Variants in PLEKHG1 observed in about 807,000 individuals in gnomAD.
The protein encoded by PLEKHG1 is pleckstrin homology domain-containing family G member 1.
Under a neutral mutation model 100.8 loss-of-function variants are expected in PLEKHG1, and 44 were observed. That is an observed-to-expected ratio of 0.44 (90% CI 0.34 to 0.56). The LOEUF (loss-of-function observed/expected upper bound fraction) is 0.56, where lower values mean the gene tolerates loss of function less well. Among genes scored for constraint, PLEKHG1 ranks in the 20% least tolerant of loss-of-function variants. The pLI is 0.01. For synonymous variants in PLEKHG1, 640 were observed against 662.5 expected (o/e 0.97, Z 0.52); for missense variants, 1,545 against 1,720.9 (o/e 0.90, Z 1.81).
intron 1 of PLEKHG1, among the ~76,000 whole-genome samples, chr6:150,602,033 C>T (rs1392949429): frequency 1.3e-5 from 2 of 152,222 alleles, no homozygotes; most frequent in East Asian, 3.9e-4. Context: ...TTTTCAAAAC[C>T]AAGAATAACC....
intron 3 of PLEKHG1, among the ~76,000 whole-genome samples, chr6:150,697,626 C>T (rs9480536): frequency 0.07 from 10,658 of 152,206 alleles, 456 homozygotes; most frequent in South Asian, 0.17. Context: ...TCAGATGGTC[C>T]CAGCAGGGGC....
intron 14 of PLEKHG1, among the ~76,000 whole-genome samples, chr6:150,827,028 T>C (rs1226336129): frequency 1.3e-5 from 2 of 151,546 alleles, no homozygotes; most frequent in East Asian, 3.9e-4. Context: ...TTTCCTTTCT[T>C]TCCTTTCTCT....
At chr6:150,784,446 G>A (rs1407133168) in intron 3 of PLEKHG1, among the ~76,000 whole-genome samples, 3 of 152,162 alleles carry the variant, frequency 2.0e-5, no homozygotes, top group Non-Finnish European at 4.4e-5. Context: ...TGCGAAGGGA[G>A]AACATTTTTG....
intron 1 of PLEKHG1, chr6:150,633,226 A>C (rs1204985701): frequency 6.6e-6 from 1 of 152,350 alleles, no homozygotes; most frequent in East Asian, 1.9e-4. Context: ...GTCATCTGGA[A>C]GTGCCGGCTC....
At chr6:150,641,876 C>CAAAAAA (rs71554473) in intron 2 of PLEKHG1, among the ~76,000 whole-genome samples, 638 of 76,758 alleles carry the variant, frequency 8.3e-3, no homozygotes, top group African/African-American at 9.7e-3. Flanking sequence ...TGTGAAAAGG[C>CAAAAAA]AAAAAAAAAA....
intron 12 of PLEKHG1, among the ~76,000 whole-genome samples, chr6:150,820,192 G>A (rs1052380809): frequency 2.6e-5 from 4 of 151,728 alleles, no homozygotes; most frequent in Non-Finnish European, 5.9e-5. Context: ...ATGGGCGACA[G>A]AGTGAGACTC....
chr6:150,709,061 C>CTGTAATTACA (rs1781142832), intron 3 of PLEKHG1, among the ~76,000 whole-genome samples: 1 of 152,168 alleles, frequency 6.6e-6, no homozygotes, highest in African/African-American at 2.4e-5. Context: ...GGGCTGGGCG[C>CTGTAATTACA]GGTGGCTCAT....
chr6:150,764,828 C>A (rs749789353), intron 2 of PLEKHG1, among the ~76,000 whole-genome samples: 9 of 152,180 alleles, frequency 5.9e-5, no homozygotes, highest in Non-Finnish European at 1.3e-4. Flanking sequence ...GCCTTTCCTG[C>A]CCTCTCTTGT....
chr6:150,658,875 A>G (rs1161738138), intron 3 of PLEKHG1, among the ~76,000 whole-genome samples: 2 of 152,200 alleles, frequency 1.3e-5, no homozygotes, highest in Non-Finnish European at 2.9e-5. Context: ...TAACATTTGC[A>G]CATTTACGAT....
chr6:150,707,026 T>C (rs376553833), intron 3 of PLEKHG1, among the ~76,000 whole-genome samples: 126 of 137,340 alleles, frequency 9.2e-4, no homozygotes, highest in African/African-American at 3.4e-3. Flanking sequence ...TTTTTTAAGA[T>C]GGAGTCTTGC....
At chr6:150,645,442 A>G (rs751097617) in intron 2 of PLEKHG1, among the ~76,000 whole-genome samples, 12 of 152,356 alleles carry the variant, frequency 7.9e-5, no homozygotes, top group Non-Finnish European at 1.2e-4. Context: ...AACCATAGAC[A>G]TATGTAACTG....
chr6:150,634,855 A>G (rs989227395), intron 1 of PLEKHG1, among the ~76,000 whole-genome samples: 6 of 152,186 alleles, frequency 3.9e-5, no homozygotes, highest in African/African-American at 1.4e-4. Flanking sequence ...TAAAAGTTAC[A>G]AGGCTGTGGT....
intron 10 of PLEKHG1, among the ~76,000 whole-genome samples, chr6:150,810,556 A>G (rs1392520548): frequency 7.1e-6 from 1 of 141,282 alleles, no homozygotes; most frequent in Non-Finnish European, 1.6e-5. Context: ...GGAAGGAAAG[A>G]AAGAAAGAAA....
intron 1 of PLEKHG1, among the ~76,000 whole-genome samples, chr6:150,634,874 G>A (rs993490077): frequency 3.3e-5 from 5 of 152,320 alleles, no homozygotes; most frequent in African/African-American, 9.6e-5. Context: ...GTTTGTAGCC[G>A]ACCTCAGAGT....
At chr6:150,750,720 G>T (rs897002891) in intron 2 of PLEKHG1, among the ~76,000 whole-genome samples, 1 of 136,020 alleles carries the variant, frequency 7.4e-6, no homozygotes, top group African/African-American at 3.0e-5. Context: ...GGCGGAGCTT[G>T]CAGTGAGCCG....
rs532450646 is a variant in PLEKHG1, at chr6:150,777,743, C to T, written c.513-8647C>T. Among the ~76,000 whole-genome samples the T allele has an allele frequency of 1.3e-4, 18 of 137,512 alleles. No individual in the cohort carries two copies. In the South Asian group the frequency reaches 3.3e-3, roughly 25 times the overall value. The allele number at this position is 137,512 out of a possible 152,430, so 90.2% of individuals were successfully genotyped here. A position where few individuals can be genotyped will look rare whatever the true frequency, so the allele number is the denominator to read the frequency against. On this transcript the variant is annotated intron_variant, in intron 3 of 15. Transcript: ENST00000358517. ...ATTACACTGATGCAATCCTGGTGCA[C>T]GTGTGGTTGCACACTACTCACACTG...
At chr6:150,760,231 T>C (rs1332554839) in intron 2 of PLEKHG1, among the ~76,000 whole-genome samples, 1 of 152,200 alleles carries the variant, frequency 6.6e-6, no homozygotes, top group South Asian at 2.1e-4. Flanking sequence ...TGCCAAGACA[T>C]TGCATTCCTC....
At chr6:150,748,615 C>CTTTTTTT (rs746682669) in intron 2 of PLEKHG1, among the ~76,000 whole-genome samples, 1 of 118,192 alleles carries the variant, frequency 8.5e-6, no homozygotes, top group Non-Finnish European at 1.7e-5. Context: ...TACCTTTGAC[C>CTTTTTTT]TTTTTTTTTT....
chr6:150,754,341 A>G (rs1444084903), intron 2 of PLEKHG1, among the ~76,000 whole-genome samples: 1 of 152,152 alleles, frequency 6.6e-6, no homozygotes, highest in Non-Finnish European at 1.5e-5. Flanking sequence ...GTGGTCAAAG[A>G]TGAGCCCAGG....
Sources: gnomAD v4.1 joint callset for allele counts (sites outside exome capture counted in the v4.1 genomes callset) on GRCh38, gnomAD v4.1.1 for gene constraint, MANE v1.5 for transcripts, NCBI Gene and HGNC (gene_info 2026-07-23, HGNC 2026-07-21) for gene names.